The following SORCS2 variants were observed in gnomAD, a reference collection of about 807,000 sequenced individuals.
SORCS2 encodes the protein VPS10 domain-containing receptor SorCS2.
A neutral mutation model predicts 141.6 loss-of-function variants in SORCS2; 100 were observed. The ratio of observed to expected loss-of-function variants is 0.71; its 90% confidence interval spans 0.60 to 0.83. The LOEUF (loss-of-function observed/expected upper bound fraction) is 0.83, where lower values mean the gene tolerates loss of function less well. Among genes scored for constraint, SORCS2 ranks in the 40% least tolerant of loss-of-function variants. The pLI is 0.00. For synonymous variants in SORCS2, 789 were observed against 676.9 expected, an observed-to-expected ratio of 1.17 and a Z score of -2.57; for missense variants, 1,646 against 1,560.2, an observed-to-expected ratio of 1.05 and a Z score of -0.93.
chr4:7,342,717 TATA>T (rs543866945), intron 1 of SORCS2, among the ~76,000 whole-genome samples: 11 of 152,142 alleles, frequency 7.2e-5, no homozygotes, highest in Non-Finnish European at 1.3e-4. Flanking sequence ...GTGTGTCCCC[TATA>T]AAGTTTCATG....
intron 26 of SORCS2, 93 bp from the exon 27 acceptor site, chr4:7,740,107 A>G: frequency 9.1e-7 from 1 of 1,099,094 alleles, no homozygotes; most frequent in Non-Finnish European, 1.3e-6. Context: ...CGTTGGCTCG[A>G]GGCACTGCCT....
chr4:7,242,183 C>G (rs770077131), intron 1 of SORCS2, among the ~76,000 whole-genome samples: 3 of 152,106 alleles, frequency 2.0e-5, no homozygotes. Flanking sequence ...TCCCTCGGAG[C>G]CTTTCAGAGC....
chr4:7,725,646 G>A lies in SORCS2; in HGVS notation c.2745+359G>A, dbSNP rs527461918. 6.6e-5 allele frequency among the ~76,000 whole-genome samples: 10 copies of A among 152,332 alleles called. No homozygotes were observed. In the Middle Eastern group the frequency reaches 0.014, roughly 207 times the overall value. On this transcript the variant is annotated intron_variant, in intron 20 of 26. Coordinates refer to ENST00000507866, the MANE Select transcript of SORCS2 (RefSeq NM_020777.3). The stretch of plus-strand genomic sequence containing the variant: ...ATTTGCAGTGAGAGGCTCAGGGAAG[G>A]CTTTACAGAAGAAGAGGTCAAGGGG...
chr4:7,606,279 G>A (rs1227756159), intron 3 of SORCS2, among the ~76,000 whole-genome samples: 2 of 152,158 alleles, frequency 1.3e-5, no homozygotes, highest in Admixed American at 6.5e-5. Flanking sequence ...CCGGAGAATA[G>A]AGCTAGGGTT....
chr4:7,231,515 GTCCATCCATCCA>G (rs1033388524), intron 1 of SORCS2, among the ~76,000 whole-genome samples: 1 of 152,052 alleles, frequency 6.6e-6, no homozygotes, highest in East Asian at 1.9e-4. Flanking sequence ...GTCTGCATCT[GTCCATCCATCCA>G]TCCATCCATT....
At chr4:7,739,984 G>T (rs963908533) in intron 26 of SORCS2, among the ~76,000 whole-genome samples, 1 of 152,128 alleles carries the variant, frequency 6.6e-6, no homozygotes, top group African/African-American at 2.4e-5. Flanking sequence ...GGCCCTCTGG[G>T]GCCCACTGCT....
intron 3 of SORCS2, among the ~76,000 whole-genome samples, chr4:7,543,576 C>T (rs1321340064): frequency 6.7e-6 from 1 of 150,154 alleles, no homozygotes; most frequent in Non-Finnish European, 1.5e-5. Context: ...TCCATTCACC[C>T]ACTCATCCAT....
rs1560475793 is a variant in SORCS2, at chr4:7,676,892, C to CTT, written c.1341+664_1341+665insTT. Among the ~76,000 whole-genome samples, 37 of 21,874 alleles carry CTT rather than the reference C, an allele frequency of 1.7e-3. 4 individuals carry two copies. Among genetic ancestry groups the CTT allele is most frequent in the Non-Finnish European group, 2.8e-3 (25 of 8,880 alleles). The allele number at this position is 21,874 out of a possible 152,430, so 14.4% of individuals were successfully genotyped here. On this transcript the variant is annotated intron_variant, in intron 9 of 26. Coordinates refer to ENST00000507866, the MANE Select transcript of SORCS2 (RefSeq NM_020777.3). ...CTCCCTCTCTGTGTCTGAAGTTGGC[C>CTT]TCTCTCTCTCTCTCCCTCTCTCCCT... is the stretch of plus-strand genomic sequence containing the variant.
intron 2 of SORCS2, among the ~76,000 whole-genome samples, chr4:7,471,034 G>C (rs979397046): frequency 3.9e-5 from 6 of 152,186 alleles, no homozygotes; most frequent in African/African-American, 1.4e-4. Flanking sequence ...ACCCAAATGA[G>C]GGGGCTGCCT....
intron 5 of SORCS2, among the ~76,000 whole-genome samples, chr4:7,658,000 A>T (rs1721911152): frequency 6.6e-6 from 1 of 151,828 alleles, no homozygotes; most frequent in African/African-American, 2.4e-5. Context: ...TGAGTGAATG[A>T]GGGGCTGAGT....
chr4:7,212,797 G>C (rs1483056441), intron 1 of SORCS2, among the ~76,000 whole-genome samples: 1 of 152,262 alleles, frequency 6.6e-6, no homozygotes, highest in Admixed American at 6.5e-5. Flanking sequence ...TTCGTCTCCA[G>C]ATGAAGATCA....
chr4:7,365,357 G>A (rs1350441089), intron 1 of SORCS2, among the ~76,000 whole-genome samples: 2 of 152,122 alleles, frequency 1.3e-5, no homozygotes, highest in Non-Finnish European at 2.9e-5. Context: ...GCATGTGGGT[G>A]GGGAAGGGGT....
At chr4:7,689,765 C>T (rs563986253) in intron 11 of SORCS2, among the ~76,000 whole-genome samples, 177 bp downstream of exon 11, 1 of 152,374 alleles carries the variant, frequency 6.6e-6, no homozygotes, top group East Asian at 1.9e-4. Context: ...GAAATGAATG[C>T]ATGGCCCAGG....
chr4:7,477,518 C>G lies in SORCS2; in HGVS notation c.549-54012C>G, dbSNP rs189531563. Among the ~76,000 whole-genome samples, 673 of 152,214 alleles carry G rather than the reference C, an allele frequency of 4.4e-3. 5 individuals carry two copies. Among genetic ancestry groups the G allele is most frequent in the Non-Finnish European group, 4.8e-3 (327 of 68,028 alleles). The stretch of plus-strand genomic sequence containing the variant: ...AGTGAGCTGGCTCCCATTCCAGATC[C>G]AGTGCTCTTCAAGCCTGCACATGCT... On this transcript the variant is annotated intron_variant, in intron 2 of 26. Coordinates refer to ENST00000507866, the MANE Select transcript of SORCS2 (RefSeq NM_020777.3).
At chr4:7,722,879 T>A (rs1190933855) in intron 18 of SORCS2, among the ~76,000 whole-genome samples, 1 of 152,132 alleles carries the variant, frequency 6.6e-6, no homozygotes, top group Admixed American at 6.5e-5. Flanking sequence ...TGGTTAGTAA[T>A]CACGCTGTTT....
intron 2 of SORCS2, among the ~76,000 whole-genome samples, chr4:7,529,497 C>A (rs1440458430): frequency 6.6e-6 from 1 of 152,216 alleles, no homozygotes; most frequent in Non-Finnish European, 1.5e-5. Flanking sequence ...TATGAGCAGG[C>A]TCCTCTGGCC....
chr4:7,422,137 C>T (rs1236457225), intron 2 of SORCS2, among the ~76,000 whole-genome samples: 4 of 152,346 alleles, frequency 2.6e-5, no homozygotes, highest in East Asian at 3.9e-4. Flanking sequence ...ACCCACCTAA[C>T]GTGGTCAGAC....
Position 7,193,569 on chromosome 4 carries a change from G to A in SORCS2, c.480+443G>A, listed in dbSNP as rs1207480724. On this transcript the variant is annotated intron_variant, in intron 1 of 26. Transcript: ENST00000507866. The surrounding 1 kb of genome is among the most constrained non-coding windows in gnomAD (Gnocchi z 4.8). ...ATCCTTCCCTCCCTGGTCTACCAGG[G>A]ACTCCGCGGTGGCGCCTCCGCAGGC... 1.3e-5 allele frequency among the ~76,000 whole-genome samples: 2 copies of A among 152,132 alleles called. No homozygotes were observed. The highest frequency in any genetic ancestry group is 2.9e-5 in the Non-Finnish European group (2 of 68,016).
chr4:7,532,154 G>A (rs917459320), intron 3 of SORCS2, among the ~76,000 whole-genome samples: 7 of 152,162 alleles, frequency 4.6e-5, no homozygotes, highest in East Asian at 3.9e-4. Context: ...GCTACCCACC[G>A]TGGGTTCCGT....
Sources: allele counts gnomAD v4.1 joint callset (sites outside exome capture counted in the v4.1 genomes callset), GRCh38; gene constraint gnomAD v4.1.1; non-coding constraint Gnocchi (gnomAD v3.1); transcripts MANE v1.5; gene names NCBI Gene and HGNC (gene_info 2026-07-23, HGNC 2026-07-21).